Variants in HMGB3 observed in about 807,000 individuals in gnomAD.
HMGB3 encodes the protein high mobility group box 3.
In HMGB3, 1 loss-of-function variant was observed where a neutral mutation model predicts 12.9. That is an observed-to-expected ratio of 0.08 (90% CI 0.03 to 0.37). HMGB3 has a LOEUF of 0.37. HMGB3 is among the 10% of genes least tolerant of loss of function. The pLI, the probability that HMGB3 is intolerant of heterozygous loss-of-function variation, is 0.99. For missense variants in HMGB3, 74 were observed against 153.3 expected, an observed-to-expected ratio of 0.48 and a Z score of 2.73; for synonymous variants, 61 against 53.9, an observed-to-expected ratio of 1.13 and a Z score of -0.57.
rs782693274 is a variant in HMGB3, at chrX:150,987,869, A to G, written c.558A>G (p.Glu186=). 14 of 1,195,602 alleles carry G rather than the reference A, an allele frequency of 1.2e-5. No homozygotes were observed. The highest frequency in any genetic ancestry group is 8.7e-5 in the Admixed American group (4 of 45,929). ...AAAAGGTGGAAGAGGAAGATGAAGA[A>G]GAGGAGGAGGAAGAAGAGGAGGAGG... ...ARKKVEEEDE[E]EEEEEEEEEE... is the part of the protein sequence containing the mutation. Residue 186 remains glutamate, a synonymous_variant, in exon 5 of 5, where the codon GAA becomes GAG. Coordinates refer to ENST00000325307, the MANE Select transcript of HMGB3 (RefSeq NM_005342.4).
upstream of HMGB3, among the ~76,000 whole-genome samples, chrX:150,981,937 G>A (rs2047995039): frequency 9.0e-6 from 1 of 111,479 alleles, no homozygotes. Flanking sequence ...CACGGTTTCT[G>A]GAAGCAGCAT....
Position 150,988,865 on chromosome X carries a change from GCTT to G in HMGB3, c.*955_*957del, listed in dbSNP as rs1221836378. 2.7e-5 allele frequency: 3 copies of G among 112,096 alleles called. No individual in the cohort carries two copies. Among genetic ancestry groups the G allele is most frequent in the Non-Finnish European group, 5.6e-5 (3 of 53,225 alleles). The allele number at this position is 112,096 out of a possible 1,213,427, so 9.2% of individuals were successfully genotyped here. A position where few individuals can be genotyped will look rare whatever the true frequency, so the allele number is the denominator to read the frequency against. On this transcript the variant is annotated 3_prime_UTR_variant, in exon 5 of 5. Coordinates refer to ENST00000325307, the MANE Select transcript of HMGB3 (RefSeq NM_005342.4). ...GACTGGCCTCCCTATAAATGTGGTA[GCTT>G]CTTTTATTACTCAGTGGCCAGCTCA...
chrX:150,987,519 T>C (rs1293412169), intron 4 of HMGB3, among the ~76,000 whole-genome samples: 1 of 111,098 alleles, frequency 9.0e-6, no homozygotes, highest in Non-Finnish European at 1.9e-5. Context: ...TCCTTACTCT[T>C]TAAGGAAAAA....
rs781857135 is a variant in HMGB3, at chrX:150,985,784, G to T, written c.150+35G>T. On this transcript the variant is annotated intron_variant, in intron 2 of 4. Transcript: ENST00000325307. ...TTTGGTACCCTTCAAACTAGTCTTA[G>T]TTGGGTTTCTTACTTTGGGGTTACT... 7 of 1,145,382 alleles carry T rather than the reference G, an allele frequency of 6.1e-6. No homozygotes were observed. In the South Asian group the frequency reaches 1.4e-4, roughly 22 times the overall value. The allele number at this position is 1,145,382 out of a possible 1,213,427, so 94.4% of individuals were successfully genotyped here. A position where few individuals can be genotyped will look rare whatever the true frequency, so the allele number is the denominator to read the frequency against.
intron 1 of HMGB3, among the ~76,000 whole-genome samples, chrX:150,985,145 G>T (rs1557425202): frequency 8.9e-6 from 1 of 111,741 alleles, no homozygotes; most frequent in African/African-American, 3.3e-5. Flanking sequence ...TTCAGCAGTG[G>T]TAAGAGTTGT....
chrX:150,982,216 A>G (rs945148731), upstream of HMGB3, among the ~76,000 whole-genome samples: 1 of 111,643 alleles, frequency 9.0e-6, no homozygotes, highest in Admixed American at 9.5e-5. Context: ...GTCCTATGCA[A>G]TGTAGGATAT....
Position 150,987,833 on chromosome X carries a change from A to C in HMGB3, c.522A>C (p.Lys174Asn), listed in dbSNP as rs782334515. 1 of 1,206,282 alleles carries C rather than the reference A, an allele frequency of 8.3e-7. No homozygotes were observed. The highest frequency in any genetic ancestry group is 1.8e-5 in the South Asian group (1 of 56,774). Residue 174 changes from lysine (K) to asparagine (N), a missense_variant, in exon 5 of 5, where the codon AAA becomes AAC. By Grantham distance (94) the Lys-to-Asn change is moderately conservative (BLOSUM62 0). This residue lies in a region of HMGB3 where 29 missense variants were observed against 29.5 expected (regional missense o/e 0.98). Transcript: ENST00000325307. ...GKFDGAKGPAKVARKKVEEED... is the reference protein window; with the variant it reads ...GKFDGAKGPANVARKKVEEED... ...TTGATGGTGCAAAGGGTCCTGCTAA[A>C]GTTGCCCGGAAAAAGGTGGAAGAGG... is the stretch of plus-strand genomic sequence containing the variant.
rs782011104 is a variant in HMGB3, at chrX:150,985,739, A to G, written c.140A>G (p.Glu47Gly). The stretch of plus-strand genomic sequence containing the variant: ...GCGGAATTTTCCAAGAAGTGCTCTG[A>G]GAGGTGGAAGGTATTTTTCTTTGGT... The part of the protein sequence containing the change: ...NFAEFSKKCS[E>G]RWKTMSGKEK... The change falls in exon 2 of 5, where the codon GAG becomes GGG. Residue 47 changes from glutamate to glycine, a missense_variant. Glu to Gly is a moderately conservative substitution (Grantham distance 98, BLOSUM62 -2). Coordinates refer to ENST00000325307, the MANE Select transcript of HMGB3 (RefSeq NM_005342.4). 4 of 1,209,226 alleles carry G rather than the reference A, an allele frequency of 3.3e-6. 1 individual carries two copies. Among genetic ancestry groups the G allele is most frequent in the South Asian group, 3.5e-5 (2 of 56,753 alleles).
chrX:150,983,318 C>A (rs1251450628), upstream of HMGB3: 2 of 753,808 alleles, frequency 2.7e-6, no homozygotes, highest in Non-Finnish European at 3.1e-6. Flanking sequence ...TAGCGCGAGG[C>A]TGGGGAGCGC....
chrX:150,987,847 A>G lies in HMGB3; in HGVS notation c.536A>G (p.Lys179Arg). 8.3e-7 allele frequency: 1 copy of G among 1,201,724 alleles called. No individual in the cohort carries two copies. Residue 179 changes from lysine (K) to arginine (R), a missense_variant, in exon 5 of 5, where the codon AAG (lysine) becomes AGG (arginine). Lys to Arg is a conservative substitution (Grantham distance 26). This residue lies in a region of HMGB3 where 29 missense variants were observed against 29.5 expected (regional missense o/e 0.98). Coordinates refer to ENST00000325307, the MANE Select transcript of HMGB3 (RefSeq NM_005342.4). ...AKGPAKVARK[K>R]VEEEDEEEEE... The stretch of plus-strand genomic sequence containing the variant: ...GGTCCTGCTAAAGTTGCCCGGAAAA[A>G]GGTGGAAGAGGAAGATGAAGAAGAG...
upstream of HMGB3, chrX:150,983,151 C>A (rs2048003420): frequency 1.2e-5 from 4 of 330,548 alleles, no homozygotes; most frequent in South Asian, 1.5e-4. Context: ...CCGGCGCCGG[C>A]GGGTCGTTCT....
At chrX:150,984,498 C>G (rs2124444852) in intron 1 of HMGB3, 1 of 204,638 alleles carries the variant, frequency 4.9e-6, no homozygotes, top group Non-Finnish European at 7.1e-6. Flanking sequence ...CGGCTGCCGC[C>G]GGCCCGGCCG....
At position 150,985,827 on chromosome X, in the gene HMGB3, C is replaced by T. The variant is rs1186540137; in HGVS notation, c.150+78C>T. 5.4e-6 allele frequency: 5 copies of T among 930,472 alleles called. No individual in the cohort carries two copies. The Admixed American group carries it at 8.5e-5, about 16-fold the overall frequency. 76.7% of individuals were successfully genotyped at this position (930,472 alleles called of 1,213,427 possible). On this transcript the variant is annotated intron_variant, in intron 2 of 4. Coordinates refer to ENST00000325307, the MANE Select transcript of HMGB3 (RefSeq NM_005342.4). ...GGGTTACTTACCTTCAGATTTTCTC[C>T]CAGATAGCTGCTTGCTTCCTCTTTT...
upstream of HMGB3, among the ~76,000 whole-genome samples, chrX:150,981,026 G>T (rs2047989673): frequency 9.0e-6 from 1 of 111,613 alleles, no homozygotes; most frequent in African/African-American, 3.3e-5. Context: ...AGGCTAGGGT[G>T]CTCTGGCAGA....
At chrX:150,984,242 C>T (rs1219527856) in intron 1 of HMGB3, among the ~76,000 whole-genome samples, 1 of 94,040 alleles carries the variant, frequency 1.1e-5, no homozygotes, top group Non-Finnish European at 2.2e-5. Context: ...GCTGCACGGG[C>T]GCCTTTGTTA....
chrX:150,980,619 T>C (rs897662766), upstream of HMGB3: 1 of 750,093 alleles, frequency 1.3e-6, no homozygotes, highest in African/African-American at 2.3e-5. Flanking sequence ...TTCCTGCGCG[T>C]AAGCGCAATC....
chrX:150,983,773 G>C (rs1162828999), intron 1 of HMGB3, among the ~76,000 whole-genome samples: 1 of 107,409 alleles, frequency 9.3e-6, no homozygotes, highest in African/African-American at 3.3e-5. Context: ...TGCGGGCTGT[G>C]GGCGCTGGGC....
At chrX:150,980,665 G>T, upstream of HMGB3, 1 of 713,427 alleles carries the variant, frequency 1.4e-6, no homozygotes, top group Non-Finnish European at 1.7e-6. Flanking sequence ...AGAAATAGAT[G>T]GTCAATGGGC....
Position 150,986,052 on chromosome X carries a change from C to T in HMGB3, c.152C>T (p.Thr51Met), listed in dbSNP as rs1246323392. ...FSKKCSERWK[T>M]MSGKEKSKFD... Reference sequence around the variant, plus strand: ...TTTAACGAGTCCTGTTCTTTGCAGACGATGTCCGGGAAAGAGAAATCTAAA... The same window carrying T: ...TTTAACGAGTCCTGTTCTTTGCAGATGATGTCCGGGAAAGAGAAATCTAAA... Residue 51 changes from threonine to methionine, a missense_variant and splice_region_variant, in exon 3 of 5, where the codon ACG (threonine) becomes ATG (methionine). By Grantham distance (81) the Thr-to-Met change is moderately conservative. Transcript: ENST00000325307. 8.3e-7 allele frequency: 1 copy of T among 1,205,228 alleles called. No individual in the cohort carries two copies. The highest frequency in any genetic ancestry group is 1.1e-6 in the Non-Finnish European group (1 of 892,951).
Sources: allele counts gnomAD v4.1 joint callset (sites outside exome capture counted in the v4.1 genomes callset), GRCh38; gene constraint gnomAD v4.1.1; regional missense constraint gnomAD v4.1.1; transcripts MANE v1.5; gene names NCBI Gene and HGNC (gene_info 2026-07-23, HGNC 2026-07-21).